The following DGKI variants were observed in gnomAD, a reference collection of about 807,000 sequenced individuals.
DGKI encodes diacylglycerol kinase iota, also known as DAG kinase iota.
A neutral mutation model predicts 147.5 loss-of-function variants in DGKI; 55 were observed. The ratio of observed to expected loss-of-function variants is 0.37; its 90% CI spans 0.30 to 0.47. The LOEUF (loss-of-function observed/expected upper bound fraction) is 0.47, where lower values mean the gene tolerates loss of function less well. Ranked by LOEUF, DGKI falls within the 20% of genes least tolerant of loss-of-function variation. The pLI, the probability that DGKI is intolerant of heterozygous loss-of-function variation, is 1.00. For synonymous variants in DGKI, 469 were observed against 477.1 expected (o/e 0.98, Z 0.22); for missense variants, 1,007 against 1,323.8 (o/e 0.76, Z 3.71).
intron 21 of DGKI, among the ~76,000 whole-genome samples, chr7:137,494,203 C>A (rs1350898984): frequency 1.3e-5 from 2 of 152,060 alleles, no homozygotes; most frequent in Non-Finnish European, 2.9e-5. Context: ...TTATCAGCAT[C>A]CCTGAAAGAG....
At chr7:137,841,361 A>G (rs2117108103) in intron 1 of DGKI, among the ~76,000 whole-genome samples, 1 of 152,382 alleles carries the variant, frequency 6.6e-6, no homozygotes, top group Non-Finnish European at 1.5e-5. Context: ...CAACAATTAG[A>G]AATCAGCCCA....
rs771433327 is a variant in DGKI, at chr7:137,653,146, G to A, written c.738+1586C>T. ...TGTGTGTTTGTGTGTGTGTGTGTGC[G>A]CGCGCGTGCGCGCACTTAGCAGTAG... On this transcript the variant is annotated intron_variant, in intron 5 of 32. Transcript: ENST00000614521. Among the ~76,000 whole-genome samples, 34 of 152,166 alleles carry A rather than the reference G, an allele frequency of 2.2e-4. 1 individual carries two copies. The highest frequency in any genetic ancestry group is 1.9e-4 in the East Asian group (1 of 5,192).
chr7:137,619,197 G>C (rs987443803), intron 8 of DGKI, among the ~76,000 whole-genome samples: 2 of 152,174 alleles, frequency 1.3e-5, no homozygotes, highest in African/African-American at 2.4e-5. Flanking sequence ...CAAAGATTAC[G>C]ACCTTGTCAA....
chr7:137,773,973 A>G (rs1354271368), intron 1 of DGKI, among the ~76,000 whole-genome samples: 2 of 152,206 alleles, frequency 1.3e-5, no homozygotes, highest in African/African-American at 4.8e-5. Flanking sequence ...GAAGGTGAGA[A>G]AAATCATGTA....
At chr7:137,500,930 T>C (rs1348690580) in intron 21 of DGKI, among the ~76,000 whole-genome samples, 1 of 152,178 alleles carries the variant, frequency 6.6e-6, no homozygotes, top group East Asian at 1.9e-4. Flanking sequence ...TATTATTAAC[T>C]ACTATCACCT....
chr7:137,521,818 C>A, intron 21 of DGKI, 48 bp downstream of exon 21: 1 of 1,363,834 alleles, frequency 7.3e-7, no homozygotes, highest in Non-Finnish European at 1.0e-6. Flanking sequence ...GATCAAGAAG[C>A]TGAAGATAGG....
chr7:137,610,076 A>T (rs1353221661), intron 8 of DGKI, among the ~76,000 whole-genome samples: 2 of 145,370 alleles, frequency 1.4e-5, no homozygotes, highest in Non-Finnish European at 1.5e-5. Context: ...TTCTTAGTTT[A>T]CTCTTTTGGT....
intron 28 of DGKI, among the ~76,000 whole-genome samples, chr7:137,422,442 A>G (rs975336244): frequency 5.3e-5 from 8 of 152,148 alleles, no homozygotes; most frequent in African/African-American, 1.9e-4. Flanking sequence ...CTAAAGTAAT[A>G]TACAGCTATT....
intron 6 of DGKI, among the ~76,000 whole-genome samples, chr7:137,636,963 TGCAGAACTGTGA>T (rs1467495412): frequency 1.3e-5 from 2 of 152,214 alleles, no homozygotes; most frequent in Non-Finnish European, 1.5e-5. Context: ...TTGTACAGCC[TGCAGAACTGTGA>T]GCCAAATAAT....
In DGKI at chr7:137,571,165, T is replaced by A; in HGVS notation, c.1947+10A>T. 1.9e-6 allele frequency: 3 copies of A among 1,575,450 alleles called. No individual in the cohort carries two copies. The East Asian group carries it at 6.8e-5, about 36-fold the overall frequency. The stretch of plus-strand genomic sequence containing the variant: ...ACATTTCATTTTAATAAAACAGTTA[T>A]ATTGCTCACCAAAGAGGCCATGGTA... On this transcript the variant is annotated intron_variant, in intron 19 of 32. Transcript: ENST00000614521.
Position 137,498,972 on chromosome 7 carries a change from G to T in DGKI, c.2249-11283C>A, listed in dbSNP as rs529304009. On this transcript the variant is annotated intron_variant, in intron 21 of 32. Transcript: ENST00000614521. ...AGTCAGTCATTACCTTGCCCACTAA[G>T]TTCTCTTAGAATGAGTCCGTGTGCA... Among the ~76,000 whole-genome samples, 5 of 152,214 alleles carry T rather than the reference G, an allele frequency of 3.3e-5. No individual in the cohort carries two copies. The South Asian group carries it at 1.0e-3, about 32-fold the overall frequency.
At chr7:137,540,780 A>AAAAAAAAAAAAAAT (rs1817669494) in intron 20 of DGKI, among the ~76,000 whole-genome samples, 1 of 150,792 alleles carries the variant, frequency 6.6e-6, no homozygotes, top group Admixed American at 6.6e-5. Context: ...AAAAAAAAAA[A>AAAAAAAAAAAAAAT]AAAAAAAACA....
chr7:137,432,580 CTT>C (rs1813122795), intron 28 of DGKI, among the ~76,000 whole-genome samples: 1 of 152,098 alleles, frequency 6.6e-6, no homozygotes, highest in Admixed American at 6.5e-5. Flanking sequence ...GATATATACT[CTT>C]ATTATTATCA....
chr7:137,616,557 G>A (rs1178456612), intron 8 of DGKI, among the ~76,000 whole-genome samples: 1 of 152,114 alleles, frequency 6.6e-6, no homozygotes, highest in African/African-American at 2.4e-5. Flanking sequence ...ACATGGTATT[G>A]TTCCTAAAAC....
chr7:137,535,685 A>G (rs557319647), intron 20 of DGKI, among the ~76,000 whole-genome samples: 1 of 152,184 alleles, frequency 6.6e-6, no homozygotes, highest in Non-Finnish European at 1.5e-5. Context: ...TTCTACACCT[A>G]TGAGGACATA....
chr7:137,678,533 C>G (rs779968747), intron 3 of DGKI, 24 bp downstream of exon 3: 1 of 1,611,770 alleles, frequency 6.2e-7, no homozygotes, highest in Admixed American at 1.7e-5. Flanking sequence ...GGCCTTCCCC[C>G]AGCAAGACGG....
chr7:137,600,166 C>T (rs1047792451), intron 10 of DGKI, among the ~76,000 whole-genome samples: 1 of 151,982 alleles, frequency 6.6e-6, no homozygotes, highest in East Asian at 1.9e-4. Context: ...TGTCTTTAGT[C>T]CCAGCTGAGG....
At chr7:137,412,089 G>C (rs1585088450) in intron 29 of DGKI, 81 bp downstream of exon 29, 1 of 1,314,704 alleles carries the variant, frequency 7.6e-7, no homozygotes, top group Non-Finnish European at 1.1e-6. Flanking sequence ...TGATAGATGG[G>C]AACATAGAGT....
intron 20 of DGKI, chr7:137,545,856 G>A (rs918744474): frequency 8.9e-5 from 62 of 693,634 alleles, no homozygotes; most frequent in Admixed American, 1.4e-4. Context: ...CTGAGGAGAC[G>A]AGGCTGGGGA....
Sources: gnomAD v4.1 joint callset for allele counts (sites outside exome capture counted in the v4.1 genomes callset) on GRCh38, gnomAD v4.1.1 for gene constraint, MANE v1.5 for transcripts, NCBI Gene and HGNC (gene_info 2026-07-23, HGNC 2026-07-21) for gene names.